FXYD6: variants seen among roughly 807,000 people sequenced by gnomAD.
FXYD6 encodes FXYD domain-containing ion transport regulator 6.
Under a neutral mutation model 16.7 loss-of-function variants are expected in FXYD6, and 7 were observed. The ratio of observed to expected loss-of-function variants is 0.42; its 90% CI spans 0.24 to 0.79. The LOEUF is 0.79. Ranked by LOEUF, FXYD6 falls within the 30% of genes least tolerant of loss-of-function variation. The pLI, the probability that FXYD6 is intolerant of heterozygous loss-of-function variation, is 0.28. For synonymous variants in FXYD6, 49 were observed against 43.0 expected (o/e 1.14, Z -0.54); for missense variants, 111 against 116.2 (o/e 0.95, Z 0.21).
intron 7 of FXYD6, chr11:117,838,774 G>A (rs577110578): frequency 5.8e-6 from 1 of 173,318 alleles, no homozygotes; most frequent in South Asian, 1.4e-4. Flanking sequence ...AATGAGCCCT[G>A]CTCTGCCCAT....
chr11:117,841,529 C>G (rs773012987), intron 4 of FXYD6: 3 of 595,740 alleles, frequency 5.0e-6, no homozygotes, highest in South Asian at 2.0e-5. Flanking sequence ...CATTCATGCC[C>G]TATAGACACA....
intron 1 of FXYD6, among the ~76,000 whole-genome samples, chr11:117,847,088 G>C (rs1183645409): frequency 6.6e-6 from 1 of 152,292 alleles, no homozygotes; most frequent in African/African-American, 2.4e-5. Context: ...CACATGTTCT[G>C]TTAGATTCAT....
intron 1 of FXYD6, chr11:117,843,521 A>T (rs1214576186): frequency 6.6e-6 from 1 of 152,194 alleles, no homozygotes; most frequent in Non-Finnish European, 1.5e-5. Flanking sequence ...CCCCATCAGA[A>T]ATGTCTCTTA....
chr11:117,870,854 C>G lies in FXYD6; in HGVS notation c.-6+5738G>C, dbSNP rs908565746. Among the ~76,000 whole-genome samples, 1 of 152,132 alleles carries G rather than the reference C, an allele frequency of 6.6e-6. No individual in the cohort carries two copies. The highest frequency in any genetic ancestry group is 6.5e-5 in the Admixed American group (1 of 15,288). On this transcript the variant is annotated intron_variant, in intron 1 of 7. Coordinates refer to ENST00000526014, the MANE Select transcript of FXYD6 (RefSeq NM_022003.4). This position sits in a 1 kb window ranked among gnomAD's most constrained non-coding sequence, Gnocchi z 4.2. ...AGTGTATGCCCCCATCACACCATAGCTCCCTGGGAGCACAGGCACACTCTG... is the reference window on the plus strand; with the variant it reads ...AGTGTATGCCCCCATCACACCATAGGTCCCTGGGAGCACAGGCACACTCTG...
At chr11:117,851,303 C>T (rs1235773632) in intron 1 of FXYD6, among the ~76,000 whole-genome samples, 1 of 152,248 alleles carries the variant, frequency 6.6e-6, no homozygotes, top group African/African-American at 2.4e-5. Context: ...CTCTCCCTCC[C>T]TCTCGGATTG....
intron 1 of FXYD6, among the ~76,000 whole-genome samples, chr11:117,851,721 T>C (rs918874740): frequency 6.6e-6 from 1 of 152,246 alleles, no homozygotes; most frequent in Non-Finnish European, 1.5e-5. Flanking sequence ...GAAGATCTGT[T>C]CGTTAGAAAC....
intron 1 of FXYD6, among the ~76,000 whole-genome samples, chr11:117,853,634 A>G (rs1352020660): frequency 6.6e-6 from 1 of 152,040 alleles, no homozygotes; most frequent in Non-Finnish European, 1.5e-5. Flanking sequence ...TGGAACTACA[A>G]GCATGCACCA....
chr11:117,858,703 C>CCT (rs2056816181), intron 1 of FXYD6, among the ~76,000 whole-genome samples: 6 of 95,480 alleles, frequency 6.3e-5, no homozygotes, highest in African/African-American at 1.1e-4. Context: ...TTCTTTCTTT[C>CCT]TCTCTCTCTC....
intron 1 of FXYD6, among the ~76,000 whole-genome samples, chr11:117,854,841 G>C (rs1310184074): frequency 6.6e-6 from 1 of 152,148 alleles, no homozygotes; most frequent in Non-Finnish European, 1.5e-5. Context: ...CAGTGAGAGG[G>C]GAAACAGAGA....
In FXYD6 at chr11:117,870,243, G is replaced by A. The variant is rs941234573; in HGVS notation, c.-6+6349C>T. Among the ~76,000 whole-genome samples the A allele has an allele frequency of 6.6e-6, 1 of 152,266 alleles. No homozygotes were observed. The highest frequency in any genetic ancestry group is 2.4e-5 in the African/African-American group (1 of 41,468). Reference sequence around the variant, plus strand: ...CCAGCACAGGGGCTGAGGCCCCTCTGGTTCCCCAGGAGATCTCGGTCTGGC... The same window carrying A: ...CCAGCACAGGGGCTGAGGCCCCTCTAGTTCCCCAGGAGATCTCGGTCTGGC... On this transcript the variant is annotated intron_variant, in intron 1 of 7. Transcript: ENST00000526014. This position sits in a 1 kb window ranked among gnomAD's most constrained non-coding sequence, Gnocchi z 4.2.
At chr11:117,869,532 C>T (rs972459718) in intron 1 of FXYD6, among the ~76,000 whole-genome samples, 2 of 152,220 alleles carry the variant, frequency 1.3e-5, no homozygotes, top group East Asian at 1.9e-4. Flanking sequence ...CAACCCAGCC[C>T]GGCTGCACAG....
At chr11:117,842,087 T>C in intron 2 of FXYD6, 59 bp from the exon 3 acceptor site, 2 of 1,612,242 alleles carry the variant, frequency 1.2e-6, no homozygotes, top group Non-Finnish European at 1.7e-6. Flanking sequence ...TTCCCAAATA[T>C]CTAACCTTGC....
At chr11:117,841,276 C>A in intron 4 of FXYD6, 92 bp from the exon 5 acceptor site, 1 of 1,568,486 alleles carries the variant, frequency 6.4e-7, no homozygotes. Flanking sequence ...ATGTAAATGG[C>A]ACCCCCTAGA....
chr11:117,861,801 C>G (rs928270780), intron 1 of FXYD6, among the ~76,000 whole-genome samples: 1 of 152,304 alleles, frequency 6.6e-6, no homozygotes, highest in Admixed American at 6.5e-5. Context: ...GGTCACAGGA[C>G]GTGGAGGGTC....
At chr11:117,864,608 A>G (rs2056975326) in intron 1 of FXYD6, among the ~76,000 whole-genome samples, 1 of 151,864 alleles carries the variant, frequency 6.6e-6, no homozygotes, top group African/African-American at 2.4e-5. Flanking sequence ...TTTTTTTGAG[A>G]CGGAGTCTCA....
chr11:117,872,421 G>A lies in FXYD6; in HGVS notation c.-6+4171C>T, dbSNP rs1486130808. ...ACAGGACAAGCCCATTGATCTACCT[G>A]AGCAGGAGGGCTCCAGCAAAGGAGA... On this transcript the variant is annotated intron_variant, in intron 1 of 7. Coordinates refer to ENST00000526014, the MANE Select transcript of FXYD6 (RefSeq NM_022003.4). The surrounding 1 kb of genome is among the most constrained non-coding windows in gnomAD (Gnocchi z 4.9). Among the ~76,000 whole-genome samples the A allele has an allele frequency of 1.3e-5, 2 of 152,182 alleles. No homozygotes were observed. Among genetic ancestry groups the A allele is most frequent in the Non-Finnish European group, 2.9e-5 (2 of 68,034 alleles).
intron 1 of FXYD6, among the ~76,000 whole-genome samples, chr11:117,849,025 T>C (rs1323939694): frequency 6.6e-6 from 1 of 152,220 alleles, no homozygotes; most frequent in East Asian, 1.9e-4. Flanking sequence ...GTTTATCTTG[T>C]TATGTTGGAT....
chr11:117,874,703 T>G (rs540780), intron 1 of FXYD6, among the ~76,000 whole-genome samples: 76,244 of 152,088 alleles, frequency 0.5, 19,984 homozygotes, highest in Non-Finnish European at 0.6. Context: ...TCCCAGAGCC[T>G]CAGGCTTTCT....
At chr11:117,876,779 G>T (rs1251179943), upstream of FXYD6, 2 of 152,122 alleles carry the variant, frequency 1.3e-5, no homozygotes, top group African/African-American at 4.8e-5. Flanking sequence ...GCTCGGGGCT[G>T]GGCTCGGGGA....
Sources: gnomAD v4.1 joint callset for allele counts (sites outside exome capture counted in the v4.1 genomes callset) on GRCh38, gnomAD v4.1.1 for gene constraint, Gnocchi (gnomAD v3.1) non-coding constraint, MANE v1.5 for transcripts, NCBI Gene and HGNC (gene_info 2026-07-23, HGNC 2026-07-21) for gene names.